LRSAM1: variants seen among roughly 807,000 people sequenced by gnomAD.
LRSAM1 encodes E3 ubiquitin-protein ligase LRSAM1.
Under a neutral mutation model 118.1 loss-of-function variants are expected in LRSAM1, and 96 were observed. The observed-to-expected ratio is 0.81, with a 90% CI of 0.69 to 0.96. The LOEUF (loss-of-function observed/expected upper bound fraction) is 0.96, where lower values mean the gene tolerates loss of function less well. LRSAM1 is among the 40% of genes least tolerant of loss of function. The pLI, the probability that LRSAM1 is intolerant of heterozygous loss-of-function variation, is 0.00. For missense variants in LRSAM1, 804 were observed against 915.5 expected (o/e 0.88, Z 1.57); for synonymous variants, 322 against 364.2 (o/e 0.88, Z 1.32).
intron 10 of LRSAM1, among the ~76,000 whole-genome samples, chr9:127,472,771 T>A (rs1835220298): frequency 2.6e-5 from 4 of 152,260 alleles, no homozygotes; most frequent in Admixed American, 2.6e-4. Flanking sequence ...TGTCTCATAG[T>A]ACGGTTTGAA....
chr9:127,468,758 G>A (rs947794283), intron 10 of LRSAM1, among the ~76,000 whole-genome samples: 2 of 138,454 alleles, frequency 1.4e-5, no homozygotes, highest in South Asian at 2.3e-4. Flanking sequence ...GGAGGATCTC[G>A]AGCCCAGGAG....
At chr9:127,489,349 G>A in intron 18 of LRSAM1, 95 bp from the exon 19 acceptor site, 2 of 1,424,230 alleles carry the variant, frequency 1.4e-6, no homozygotes, top group East Asian at 2.4e-5. Context: ...ATCCATTAAG[G>A]TGCTTTGTAC....
chr9:127,458,300 T>G (rs1485967923), intron 6 of LRSAM1, among the ~76,000 whole-genome samples: 2 of 150,820 alleles, frequency 1.3e-5, no homozygotes, highest in Non-Finnish European at 1.5e-5. Context: ...GAGAATGGCG[T>G]GAACCCGGGA....
At chr9:127,489,648 G>A (rs181485998) in intron 19 of LRSAM1, 130 bp downstream of exon 19, 11 of 1,033,926 alleles carry the variant, frequency 1.1e-5, no homozygotes, top group South Asian at 2.8e-5. Flanking sequence ...ACAAGAGGTC[G>A]AGGCCTTGCC....
At chr9:127,472,918 C>G (rs957441094) in intron 10 of LRSAM1, among the ~76,000 whole-genome samples, 3 of 152,170 alleles carry the variant, frequency 2.0e-5, no homozygotes, top group African/African-American at 7.2e-5. Flanking sequence ...GTGCACTTTC[C>G]CCTAGGGTGT....
intron 6 of LRSAM1, 133 bp from the exon 7 acceptor site, chr9:127,458,870 T>A (rs1293990905): frequency 2.6e-6 from 2 of 779,022 alleles, no homozygotes; most frequent in Admixed American, 3.8e-5. Context: ...CAACACTGAG[T>A]GGGAAAGGAG....
At chr9:127,457,714 G>A (rs1287373320) in intron 6 of LRSAM1, among the ~76,000 whole-genome samples, 1 of 152,212 alleles carries the variant, frequency 6.6e-6, no homozygotes, top group Non-Finnish European at 1.5e-5. Context: ...GGGACGCGCA[G>A]GTGATCTGGA....
At chr9:127,487,848 C>T in intron 18 of LRSAM1, 85 bp downstream of exon 18, 3 of 1,180,112 alleles carry the variant, frequency 2.5e-6, no homozygotes, top group East Asian at 5.0e-5. Context: ...CACACGGAGC[C>T]CTTCCTAGAC....
At chr9:127,476,842 G>A (rs1398013450) in intron 11 of LRSAM1, among the ~76,000 whole-genome samples, 1 of 151,918 alleles carries the variant, frequency 6.6e-6, no homozygotes, top group Non-Finnish European at 1.5e-5. Flanking sequence ...GCCTGGCTAA[G>A]TTTTGCATTT....
chr9:127,469,571 C>T (rs1353409521), intron 10 of LRSAM1, among the ~76,000 whole-genome samples: 1 of 148,512 alleles, frequency 6.7e-6, no homozygotes, highest in Non-Finnish European at 1.5e-5. Context: ...ATTAAAACTG[C>T]AAAGAGATAC....
intron 19 of LRSAM1, among the ~76,000 whole-genome samples, chr9:127,489,728 C>A (rs374436016): frequency 1.3e-5 from 2 of 152,190 alleles, no homozygotes; most frequent in East Asian, 1.9e-4. Context: ...CCTCCTATTC[C>A]GGGGTCTGGC....
intron 8 of LRSAM1, 23 bp downstream of exon 8, chr9:127,461,280 C>G: frequency 6.2e-7 from 1 of 1,601,524 alleles, no homozygotes. Context: ...AAGCCGTGTC[C>G]GTGTGACCCT....
chr9:127,487,933 G>C (rs1564276459), intron 18 of LRSAM1, among the ~76,000 whole-genome samples, 170 bp downstream of exon 18: 1 of 152,020 alleles, frequency 6.6e-6, no homozygotes, highest in Admixed American at 6.6e-5. Flanking sequence ...AGAGGCTGAG[G>C]GGGGGCCCGG....
chr9:127,484,802 C>CTTTTTTCTTTTTTT (rs1184060505), intron 16 of LRSAM1, among the ~76,000 whole-genome samples: 1 of 61,202 alleles, frequency 1.6e-5, no homozygotes, highest in Non-Finnish European at 4.9e-5. Context: ...TTTGATTTTT[C>CTTTTTTCTTTTTTT]TTTTTTTCTT....
At chr9:127,454,829 C>T (rs551062258) in intron 3 of LRSAM1, among the ~76,000 whole-genome samples, 169 bp from the exon 4 acceptor site, 19 of 152,208 alleles carry the variant, frequency 1.2e-4, no homozygotes, top group Non-Finnish European at 2.5e-4. Context: ...CTCTGGGCCT[C>T]AAGCTCTGGG....
intron 16 of LRSAM1, among the ~76,000 whole-genome samples, chr9:127,483,347 C>T (rs569141696): frequency 2.6e-5 from 4 of 151,904 alleles, no homozygotes; most frequent in Admixed American, 1.3e-4. Flanking sequence ...TTTAGGAAGC[C>T]GAGGCTGGAG....
At chr9:127,494,040 T>C (rs1231943053) in intron 21 of LRSAM1, among the ~76,000 whole-genome samples, 1 of 152,236 alleles carries the variant, frequency 6.6e-6, no homozygotes, top group Non-Finnish European at 1.5e-5. Flanking sequence ...CGCATCAGGT[T>C]ACTTTGCAGA....
intron 11 of LRSAM1, among the ~76,000 whole-genome samples, chr9:127,474,246 C>T (rs1282967834): frequency 4.0e-5 from 6 of 150,078 alleles, no homozygotes; most frequent in African/African-American, 7.3e-5. Context: ...ACTCACTTGT[C>T]TTATCCTTCA....
intron 10 of LRSAM1, among the ~76,000 whole-genome samples, chr9:127,470,093 C>T (rs1173451368): frequency 6.6e-6 from 1 of 152,056 alleles, no homozygotes; most frequent in Non-Finnish European, 1.5e-5. Flanking sequence ...AAATTATTCT[C>T]AATATCTACT....
Sources: gnomAD v4.1 joint callset for allele counts (sites outside exome capture counted in the v4.1 genomes callset) on GRCh38, gnomAD v4.1.1 for gene constraint, MANE v1.5 for transcripts, NCBI Gene and HGNC (gene_info 2026-07-23, HGNC 2026-07-21) for gene names.